The following CCDC171 variants were observed in gnomAD, a reference collection of about 807,000 sequenced individuals.
CCDC171 encodes coiled-coil domain containing 171.
A neutral mutation model predicts 168.2 loss-of-function variants in CCDC171; 177 were observed. The observed-to-expected ratio is 1.05, with a 90% CI of 0.93 to 1.19. The LOEUF (loss-of-function observed/expected upper bound fraction) is 1.19. Ranked by LOEUF, CCDC171 falls within the 50% of genes most tolerant of loss-of-function variation. The pLI is 0.00. For synonymous variants in CCDC171, 687 were observed against 540.8 expected (o/e 1.27, Z -3.75); for missense variants, 1,991 against 1,539.0 (o/e 1.29, Z -4.91).
intron 2 of CCDC171, among the ~76,000 whole-genome samples, chr9:15,567,055 C>G (rs1272859455): frequency 7.5e-6 from 1 of 133,450 alleles, no homozygotes; most frequent in Non-Finnish European, 1.5e-5. Flanking sequence ...GAGGCAGAGT[C>G]TCACTGTGTT....
At chr9:15,989,271 A>C (rs547416020) in intron 3 of CCDC171, among the ~76,000 whole-genome samples, 4 of 151,562 alleles carry the variant, frequency 2.6e-5, no homozygotes, top group Non-Finnish European at 5.9e-5. Flanking sequence ...ACTGTCAGCA[A>C]TACTCACTAT....
At chr9:15,861,379 A>T (rs1266114318) in intron 23 of CCDC171, among the ~76,000 whole-genome samples, 1 of 151,606 alleles carries the variant, frequency 6.6e-6, no homozygotes, top group African/African-American at 2.4e-5. Flanking sequence ...CTTATAGTTC[A>T]TTTGTTTTTG....
intron 6 of CCDC171, among the ~76,000 whole-genome samples, chr9:15,610,689 CT>C (rs1375632799): frequency 2.6e-5 from 4 of 151,680 alleles, no homozygotes; most frequent in Non-Finnish European, 5.9e-5. Context: ...TCTCGAATAC[CT>C]GGGACTACAG....
intron 6 of CCDC171, among the ~76,000 whole-genome samples, chr9:16,028,620 C>G (rs538551107): frequency 6.6e-6 from 1 of 152,074 alleles, no homozygotes; most frequent in South Asian, 2.1e-4. Flanking sequence ...TCTGGCAGCT[C>G]TAGCTCCTGG....
At chr9:15,565,299 G>C (rs909761920) in intron 2 of CCDC171, among the ~76,000 whole-genome samples, 1 of 151,982 alleles carries the variant, frequency 6.6e-6, no homozygotes, top group African/African-American at 2.4e-5. Context: ...ACCTTATTTA[G>C]TATCCTGCTT....
At chr9:16,091,429 A>G in the CCDC171 span, among the ~76,000 whole-genome samples, 1 of 152,214 alleles carries the variant, frequency 6.6e-6, no homozygotes, top group Non-Finnish European at 1.5e-5. Context: ...CTTTGGCCAT[A>G]CATGCTGAAG....
At chr9:15,979,924 G>T in intron 3 of CCDC171, among the ~76,000 whole-genome samples, 1 of 122,912 alleles carries the variant, frequency 8.1e-6, no homozygotes, top group South Asian at 3.0e-4. Context: ...TTTCTTTGTG[G>T]GAATTTTTTT....
At chr9:15,847,189 C>A (rs2060934726) in intron 22 of CCDC171, among the ~76,000 whole-genome samples, 1 of 151,998 alleles carries the variant, frequency 6.6e-6, no homozygotes, top group Non-Finnish European at 1.5e-5. Context: ...CATTCCTATT[C>A]TCTTCTGCTC....
chr9:16,063,948 C>G (rs1335703325), downstream of CCDC171, among the ~76,000 whole-genome samples: 19 of 152,218 alleles, frequency 1.2e-4, no homozygotes, highest in Non-Finnish European at 1.5e-5. Flanking sequence ...ATGCCCACCT[C>G]CTGGAGTGAG....
At chr9:15,990,926 CA>C in intron 3 of CCDC171, among the ~76,000 whole-genome samples, 1 of 152,282 alleles carries the variant, frequency 6.6e-6, no homozygotes, top group South Asian at 2.1e-4. Context: ...ATTCATAAAG[CA>C]AGTCCTTAGA....
At chr9:15,706,856 TAAAAGC>T (rs1322455196) in intron 11 of CCDC171, among the ~76,000 whole-genome samples, 1 of 152,186 alleles carries the variant, frequency 6.6e-6, no homozygotes, top group Admixed American at 6.5e-5. Flanking sequence ...TCCCAGGAAA[TAAAAGC>T]AGTAGCATTT....
intron 11 of CCDC171, among the ~76,000 whole-genome samples, chr9:15,699,407 G>A (rs543843807): frequency 8.7e-4 from 132 of 152,292 alleles, no homozygotes; most frequent in African/African-American, 3.0e-3. Context: ...AGCTTCCACA[G>A]TGTGGAAGGG....
chr9:15,649,654 A>G (rs1424748724), intron 7 of CCDC171, among the ~76,000 whole-genome samples: 1 of 152,206 alleles, frequency 6.6e-6, no homozygotes, highest in East Asian at 1.9e-4. Flanking sequence ...AAAAATGCTC[A>G]TCATCACTGG....
At chr9:16,000,367 T>C (rs1832504748) in intron 3 of CCDC171, among the ~76,000 whole-genome samples, 1 of 152,194 alleles carries the variant, frequency 6.6e-6, no homozygotes, top group Admixed American at 6.5e-5. Context: ...TGAGGCAATG[T>C]GTGTCTCTTG....
chr9:15,845,078 T>C (rs556476943), intron 21 of CCDC171, among the ~76,000 whole-genome samples: 49 of 152,208 alleles, frequency 3.2e-4, no homozygotes, highest in African/African-American at 9.9e-4. Flanking sequence ...ATTTGAAAAA[T>C]TGATTTTTTT....
chr9:15,664,065 A>C (rs192123428), intron 8 of CCDC171, among the ~76,000 whole-genome samples: 45 of 152,256 alleles, frequency 3.0e-4, no homozygotes, highest in Admixed American at 2.7e-3. Context: ...TAATGTGTAC[A>C]TATGGACATA....
At chr9:15,631,883 T>C (rs1444135072) in intron 7 of CCDC171, among the ~76,000 whole-genome samples, 3 of 152,070 alleles carry the variant, frequency 2.0e-5, no homozygotes, top group Non-Finnish European at 4.4e-5. Context: ...AATCAATAAA[T>C]GTAATCCATC....
chr9:15,599,101 C>G (rs535683395), intron 6 of CCDC171, among the ~76,000 whole-genome samples: 4 of 152,232 alleles, frequency 2.6e-5, no homozygotes, highest in Non-Finnish European at 4.4e-5. Flanking sequence ...ACTCTTTATC[C>G]AATTTGCCAG....
chr9:15,619,463 T>C (rs752536545), intron 6 of CCDC171, among the ~76,000 whole-genome samples: 8 of 152,214 alleles, frequency 5.3e-5, no homozygotes, highest in Non-Finnish European at 1.2e-4. Context: ...AGCCACAGCA[T>C]TCCCTTAAGT....
Sources: allele counts gnomAD v4.1 joint callset (sites outside exome capture counted in the v4.1 genomes callset), GRCh38; gene constraint gnomAD v4.1.1; transcripts MANE v1.5; gene names NCBI Gene and HGNC (gene_info 2026-07-23, HGNC 2026-07-21).